The following ARB2A variants were observed in gnomAD, a reference collection of about 807,000 sequenced individuals.
ARB2A encodes cotranscriptional regulator ARB2A.
At chr5:94,109,840 T>C in the ARB2A span, among the ~76,000 whole-genome samples, 1 of 150,746 alleles carries the variant, frequency 6.6e-6, no homozygotes, top group African/African-American at 2.4e-5. Flanking sequence ...GCATCCTCTA[T>C]CATTCTCTCT....
chr5:93,721,121 T>C, the ARB2A span, among the ~76,000 whole-genome samples: 1 of 152,152 alleles, frequency 6.6e-6, no homozygotes, highest in South Asian at 2.1e-4. Context: ...TTAAGTTTCA[T>C]TGAAAGGGTA....
the ARB2A span, among the ~76,000 whole-genome samples, chr5:94,001,777 T>C: frequency 6.6e-6 from 1 of 152,122 alleles, no homozygotes; most frequent in African/African-American, 2.4e-5. Context: ...ATTCTCAGTC[T>C]GGTAATTCTA....
the ARB2A span, among the ~76,000 whole-genome samples, chr5:93,878,153 T>C: frequency 1.3e-5 from 2 of 148,952 alleles, no homozygotes; most frequent in Non-Finnish European, 3.0e-5. Flanking sequence ...ACTTTTTGTT[T>C]TGGTTTGTTG....
the ARB2A span, among the ~76,000 whole-genome samples, chr5:93,702,415 A>T: frequency 1.9e-4 from 29 of 152,234 alleles, no homozygotes; most frequent in African/African-American, 7.0e-4. Context: ...CTGAATTTTT[A>T]TCCTAACATC....
At chr5:94,003,052 T>C in the ARB2A span, among the ~76,000 whole-genome samples, 1 of 152,216 alleles carries the variant, frequency 6.6e-6, no homozygotes, top group Non-Finnish European at 1.5e-5. Context: ...GTTTGTATAA[T>C]ATTATTACAG....
At chr5:93,979,173 T>C in the ARB2A span, among the ~76,000 whole-genome samples, 1 of 152,168 alleles carries the variant, frequency 6.6e-6, no homozygotes, top group Non-Finnish European at 1.5e-5. Context: ...TACAGCTTTT[T>C]AAAAACCAGT....
At chr5:94,038,140 G>T in the ARB2A span, among the ~76,000 whole-genome samples, 1 of 151,994 alleles carries the variant, frequency 6.6e-6, no homozygotes, top group East Asian at 1.9e-4. Context: ...TCATTATAAT[G>T]TCTGCTGAAT....
chr5:93,699,742 T>C, the ARB2A span, among the ~76,000 whole-genome samples: 1 of 151,984 alleles, frequency 6.6e-6, no homozygotes, highest in Admixed American at 6.6e-5. Context: ...AGGGATGTTC[T>C]GTACCAAGTT....
At chr5:93,776,965 T>C in the ARB2A span, among the ~76,000 whole-genome samples, 3 of 152,238 alleles carry the variant, frequency 2.0e-5, no homozygotes, top group East Asian at 1.9e-4. Context: ...CAAGAAAGAA[T>C]AGCCAATTTT....
chr5:93,662,924 G>C, the ARB2A span, among the ~76,000 whole-genome samples: 1 of 152,208 alleles, frequency 6.6e-6, no homozygotes, highest in Admixed American at 6.5e-5. Flanking sequence ...TGGCAGGTTT[G>C]GTTGTCTGAC....
At chr5:93,642,296 C>A in the ARB2A span, among the ~76,000 whole-genome samples, 1 of 151,600 alleles carries the variant, frequency 6.6e-6, no homozygotes, top group East Asian at 1.9e-4. Context: ...CAAACTCCTG[C>A]GCCCAAGTTC....
At chr5:94,034,500 T>A in the ARB2A span, among the ~76,000 whole-genome samples, 1 of 152,208 alleles carries the variant, frequency 6.6e-6, no homozygotes, top group Non-Finnish European at 1.5e-5. Context: ...TCTTTCCCTC[T>A]GGTTACCAAT....
At chr5:94,063,075 C>A in the ARB2A span, among the ~76,000 whole-genome samples, 2 of 152,156 alleles carry the variant, frequency 1.3e-5, no homozygotes, top group Admixed American at 6.5e-5. Context: ...CAGTCACTGC[C>A]GCCCATACTT....
the ARB2A span, among the ~76,000 whole-genome samples, chr5:93,751,543 C>T: frequency 2.6e-5 from 4 of 151,952 alleles, no homozygotes; most frequent in Admixed American, 6.5e-5. Flanking sequence ...TTAAGAAACA[C>T]GAAAAAGTAA....
At chr5:93,807,578 T>C in the ARB2A span, among the ~76,000 whole-genome samples, 1 of 151,904 alleles carries the variant, frequency 6.6e-6, no homozygotes, top group East Asian at 1.9e-4. Flanking sequence ...CTATAATGTA[T>C]ATAAAGTTAG....
At chr5:94,065,765 C>A in the ARB2A span, among the ~76,000 whole-genome samples, 1 of 152,016 alleles carries the variant, frequency 6.6e-6, no homozygotes, top group Non-Finnish European at 1.5e-5. Context: ...AGATAGATTC[C>A]AATAAAATAA....
the ARB2A span, among the ~76,000 whole-genome samples, chr5:93,883,411 A>ATT: frequency 1.1e-4 from 17 of 151,250 alleles, 1 homozygote; most frequent in African/African-American, 2.7e-4. Context: ...GCAAAAGAGA[A>ATT]TTTTTTTTAA....
the ARB2A span, chr5:93,741,189 C>T: frequency 6.2e-7 from 1 of 1,613,926 alleles, no homozygotes; most frequent in Non-Finnish European, 8.5e-7. Context: ...ATTGCTGCAA[C>T]TCTTTCAGTA....
chr5:93,870,960 T>C, the ARB2A span, among the ~76,000 whole-genome samples: 1 of 152,270 alleles, frequency 6.6e-6, no homozygotes, highest in African/African-American at 2.4e-5. Context: ...GTTAACTTTC[T>C]AATGGAATAG....
Sources: allele counts gnomAD v4.1 joint callset (sites outside exome capture counted in the v4.1 genomes callset), GRCh38; gene constraint gnomAD v4.1.1; transcripts MANE v1.5; gene names NCBI Gene and HGNC (gene_info 2026-07-23, HGNC 2026-07-21).